The following WDR33 variants were observed in gnomAD, a reference collection of about 807,000 sequenced individuals.
WDR33 encodes pre-mRNA 3' end processing protein WDR33.
A neutral mutation model predicts 164.9 loss-of-function variants in WDR33; 47 were observed. That is an observed-to-expected ratio of 0.29 (90% CI 0.23 to 0.36). The LOEUF is 0.36. Among genes scored for constraint, WDR33 ranks in the 10% least tolerant of loss-of-function variants. WDR33 has a pLI of 1.00. For synonymous variants in WDR33, 505 were observed against 589.0 expected (o/e 0.86, Z 2.06); for missense variants, 1,137 against 1,754.1 (o/e 0.65, Z 6.28).
In WDR33 at chr2:127,701,506, T is replaced by C; in HGVS notation, c.*4817A>G. The C allele has an allele frequency of 7.8e-7, 1 of 1,285,612 alleles. No individual in the cohort carries two copies. The highest frequency in any genetic ancestry group is 9.9e-7 in the Non-Finnish European group (1 of 1,012,908). The allele number at this position is 1,285,612 out of a possible 1,614,324, so 79.6% of individuals were successfully genotyped here. On this transcript the variant is annotated 3_prime_UTR_variant, in exon 22 of 22. Transcript: ENST00000322313. ...GCCGGAAGTGAGCCGCAGCTTTTCC[T>C]TTCTGCCACCGCCTTGTCCAAGATG...
In WDR33 at chr2:127,780,750, T is replaced by C. The variant is rs556158900; in HGVS notation, c.-23-9746A>G. ...TACTCAAAAGGCTGAAGCAGGAGGA[T>C]CCCTTGAGCCCAGGAGTTTGAGACT... On this transcript the variant is annotated intron_variant, in intron 1 of 21. Transcript: ENST00000322313. 3.9e-5 allele frequency among the ~76,000 whole-genome samples: 6 copies of C among 152,188 alleles called. No individual in the cohort carries two copies. In the South Asian group the frequency reaches 1.0e-3, roughly 26 times the overall value.
rs777886886 is a variant in WDR33, at chr2:127,763,193, G to A, written c.627-34C>T. ...TGAAGACACACAGCAGGGGAAAGAA[G>A]TCAGCATTTAACAGATAATCTGTGC... On this transcript the variant is annotated intron_variant, in intron 6 of 21. Transcript: ENST00000322313. This position sits in a 1 kb window ranked among gnomAD's most constrained non-coding sequence, Gnocchi z 4.5. 1.9e-6 allele frequency: 3 copies of A among 1,613,744 alleles called. No homozygotes were observed. Among genetic ancestry groups the A allele is most frequent in the Admixed American group, 1.7e-5 (1 of 60,010 alleles).
chr2:127,706,556 A>C lies in WDR33; in HGVS notation c.3782-4T>G. On this transcript the variant is annotated splice_polypyrimidine_tract_variant and splice_region_variant and intron_variant, in intron 21 of 21. Transcript: ENST00000322313. The surrounding 1 kb of genome is among the most constrained non-coding windows in gnomAD (Gnocchi z 5.1). ...GCAGGTCCTGGGCCCCCTCGGCCTG[A>C]AACAAAGAAAATTTCACATGGGACT... 1 of 1,585,808 alleles carries C rather than the reference A, an allele frequency of 6.3e-7. No homozygotes were observed. Among genetic ancestry groups the C allele is most frequent in the South Asian group, 1.2e-5 (1 of 86,486 alleles).
In WDR33 at chr2:127,702,006, G is replaced by A; in HGVS notation, c.*4317C>T. 1 of 1,310,984 alleles carries A rather than the reference G, an allele frequency of 7.6e-7. No homozygotes were observed. The highest frequency in any genetic ancestry group is 9.7e-7 in the Non-Finnish European group (1 of 1,033,150). 81.2% of individuals were successfully genotyped at this position (1,310,984 alleles called of 1,614,324 possible). A position where few individuals can be genotyped will look rare whatever the true frequency, so the allele number is the denominator to read the frequency against. ...AGCGCTGGGCGCCACGCTGTTCGCCGCGCTGGGCCTTCGCAGCACGCTGCT... is the reference window on the plus strand; with the variant it reads ...AGCGCTGGGCGCCACGCTGTTCGCCACGCTGGGCCTTCGCAGCACGCTGCT... On this transcript the variant is annotated 3_prime_UTR_variant, in exon 22 of 22. Coordinates refer to ENST00000322313, the MANE Select transcript of WDR33 (RefSeq NM_018383.5).
rs1216623307 is a variant in WDR33, at chr2:127,795,392, C to T, written c.-24+15620G>A. Among the ~76,000 whole-genome samples, 2 of 152,050 alleles carry T rather than the reference C, an allele frequency of 1.3e-5. 1 individual carries two copies. Among genetic ancestry groups the T allele is most frequent in the Admixed American group, 1.3e-4 (2 of 15,264 alleles). ...GGGATTAAAGGCGTGAGCCATCGTG[C>T]CCTGCCTGAAACAATAACTTTTAAT... On this transcript the variant is annotated intron_variant, in intron 1 of 21. Coordinates refer to ENST00000322313, the MANE Select transcript of WDR33 (RefSeq NM_018383.5).
At chr2:127,747,655 T>C (rs539852526) in intron 7 of WDR33, among the ~76,000 whole-genome samples, 1 of 152,306 alleles carries the variant, frequency 6.6e-6, no homozygotes, top group East Asian at 1.9e-4. Context: ...TGTATCCTGC[T>C]TGTCTAATGC....
At chr2:127,803,891 G>A (rs533166984) in intron 1 of WDR33, among the ~76,000 whole-genome samples, 4 of 147,676 alleles carry the variant, frequency 2.7e-5, no homozygotes, top group African/African-American at 1.0e-4. Flanking sequence ...CAGGCTGCAG[G>A]CAGCTATGAT....
chr2:127,772,498 A>C (rs901146459), intron 1 of WDR33, among the ~76,000 whole-genome samples: 1 of 151,906 alleles, frequency 6.6e-6, no homozygotes, highest in Non-Finnish European at 1.5e-5. Flanking sequence ...GTTTATTAAG[A>C]CTCCATTTTA....
chr2:127,761,171 C>A (rs1397498650), intron 7 of WDR33, among the ~76,000 whole-genome samples: 1 of 152,082 alleles, frequency 6.6e-6, no homozygotes, highest in Non-Finnish European at 1.5e-5. Context: ...TTAATACAGT[C>A]CACTGTAAAA....
chr2:127,719,350 C>G lies in WDR33; in HGVS notation c.2675G>C (p.Gly892Ala). ...GPQGQQNPARGPHPSQGPIPF... is the reference protein window; with the variant it reads ...GPQGQQNPARAPHPSQGPIPF... ...TATTGGCCCTTGAGATGGATGTGGC[C>G]CTCTTGCTGGGTTCTGCTGTCCCTG... The change falls in exon 16 of 22, where the codon GGG becomes GCG. Residue 892 changes from glycine to alanine, a missense_variant. Around this residue, in one of 9 missense-constraint regions of WDR33, gnomAD observed 867 missense variants for 1,073.0 expected, o/e 0.81. Transcript: ENST00000322313. This position sits in a 1 kb window ranked among gnomAD's most constrained non-coding sequence, Gnocchi z 6.5. The G allele has an allele frequency of 4.6e-6, 7 of 1,508,542 alleles. No homozygotes were observed. Among genetic ancestry groups the G allele is most frequent in the Non-Finnish European group, 6.2e-6 (7 of 1,129,718 alleles). 93.4% of individuals were successfully genotyped at this position (1,508,542 alleles called of 1,614,324 possible).
chr2:127,714,859 T>A lies in WDR33; in HGVS notation c.2870-838A>T, dbSNP rs1686260673. Among the ~76,000 whole-genome samples, 1 of 152,198 alleles carries A rather than the reference T, an allele frequency of 6.6e-6. No individual in the cohort carries two copies. The highest frequency in any genetic ancestry group is 1.5e-5 in the Non-Finnish European group (1 of 68,034). ...TTTATAAATGTTTACCTATTTTTGG[T>A]TAACATACAATTTAAATCAAACACT... On this transcript the variant is annotated intron_variant, in intron 17 of 21. Coordinates refer to ENST00000322313, the MANE Select transcript of WDR33 (RefSeq NM_018383.5). This position sits in a 1 kb window ranked among gnomAD's most constrained non-coding sequence, Gnocchi z 4.3.
At position 127,709,728 on chromosome 2, in the gene WDR33, C is replaced by T. The variant is rs769012602; in HGVS notation, c.3437G>A (p.Arg1146Gln). 1.3e-5 allele frequency: 21 copies of T among 1,614,144 alleles called. No homozygotes were observed. Among genetic ancestry groups the T allele is most frequent in the Admixed American group, 6.7e-5 (4 of 60,008 alleles). The change falls in exon 19 of 22, where the codon CGA (arginine) becomes CAA (glutamine). Residue 1146 changes from arginine (R) to glutamine (Q), a missense_variant. Coordinates refer to ENST00000322313, the MANE Select transcript of WDR33 (RefSeq NM_018383.5). The surrounding 1 kb of genome is among the most constrained non-coding windows in gnomAD (Gnocchi z 5.0). Reference sequence around the variant, plus strand: ...ACCCCGACCTCGACCTCTGAGATCTCGTCCTCGGGCCGCTTCCTCAGAAGC... The same window carrying T: ...ACCCCGACCTCGACCTCTGAGATCTTGTCCTCGGGCCGCTTCCTCAGAAGC... ...FDASEEAARG[R>Q]DLRGRGRGTP...
At position 127,747,758 on chromosome 2, in the gene WDR33, G is replaced by A. The variant is rs185125082; in HGVS notation, c.724+15304C>T. ...CAGCTGGTTCCAACCTGTGCCTGCCGAGCATGTCGCTGCTACTAAATCCTG... is the reference window on the plus strand; with the variant it reads ...CAGCTGGTTCCAACCTGTGCCTGCCAAGCATGTCGCTGCTACTAAATCCTG... On this transcript the variant is annotated intron_variant, in intron 7 of 21. Transcript: ENST00000322313. Among the ~76,000 whole-genome samples, 584 of 152,238 alleles carry A rather than the reference G, an allele frequency of 3.8e-3. 2 individuals carry two copies. Among genetic ancestry groups the A allele is most frequent in the South Asian group, 7.7e-3 (37 of 4,818 alleles).
At chr2:127,742,402 C>T (rs1210242484) in intron 7 of WDR33, among the ~76,000 whole-genome samples, 1 of 151,272 alleles carries the variant, frequency 6.6e-6, no homozygotes, top group East Asian at 1.9e-4. Flanking sequence ...TGGCTCACAC[C>T]TGTAGTTCCA....
At chr2:127,756,438 A>G (rs760381381) in intron 7 of WDR33, among the ~76,000 whole-genome samples, 3 of 151,994 alleles carry the variant, frequency 2.0e-5, no homozygotes, top group Non-Finnish European at 4.4e-5. Flanking sequence ...AAAACTTACT[A>G]TATTATACCA....
chr2:127,702,820 G>T lies in WDR33; in HGVS notation c.*3503C>A. On this transcript the variant is annotated 3_prime_UTR_variant, in exon 22 of 22. Coordinates refer to ENST00000322313, the MANE Select transcript of WDR33 (RefSeq NM_018383.5). ...TCACGACGAAAGCGACGGACCAAAA[G>T]AAATTTCCTGCCCCAAGAAGCATGG... 6.0e-6 allele frequency: 1 copy of T among 166,972 alleles called. No homozygotes were observed. The allele number at this position is 166,972 out of a possible 1,614,324, so 10.3% of individuals were successfully genotyped here.
chr2:127,789,845 T>C (rs965735952), intron 1 of WDR33, among the ~76,000 whole-genome samples: 1 of 151,504 alleles, frequency 6.6e-6, no homozygotes, highest in Non-Finnish European at 1.5e-5. Context: ...TAAAAAAAAA[T>C]TTTTTTTTGA....
rs1685915235 is a variant in WDR33 at position 127,702,369 on chromosome 2, A to G, written c.*3954T>C. The G allele has an allele frequency of 9.5e-6, 4 of 418,900 alleles. No individual in the cohort carries two copies. The Admixed American group carries it at 1.5e-4, about 16-fold the overall frequency. The allele number at this position is 418,900 out of a possible 1,614,324, so 25.9% of individuals were successfully genotyped here. On this transcript the variant is annotated 3_prime_UTR_variant, in exon 22 of 22. Transcript: ENST00000322313. ...GCAGCGTTGGGAGCTCCTCGATGTC[A>G]GCTTTTTGTGCTGGACTTGGCACAC... is the stretch of plus-strand genomic sequence containing the variant.
At chr2:127,707,351 G>T (rs1335108338) in intron 21 of WDR33, among the ~76,000 whole-genome samples, 1 of 152,002 alleles carries the variant, frequency 6.6e-6, no homozygotes, top group African/African-American at 2.4e-5. Flanking sequence ...CTCAGAAGAT[G>T]ACTGCAAACT....
Sources: gnomAD v4.1 joint callset for allele counts (sites outside exome capture counted in the v4.1 genomes callset) on GRCh38, gnomAD v4.1.1 for gene constraint, gnomAD v4.1.1 regional missense constraint, Gnocchi (gnomAD v3.1) non-coding constraint, MANE v1.5 for transcripts, NCBI Gene and HGNC (gene_info 2026-07-23, HGNC 2026-07-21) for gene names.